KIF6: variants seen among roughly 807,000 people sequenced by gnomAD.
KIF6 encodes kinesin family member 6, also known as kinesin-like protein KIF6.
Under a neutral mutation model 112.7 loss-of-function variants are expected in KIF6, and 106 were observed. That is an observed-to-expected ratio of 0.94 (90% CI 0.80 to 1.11). The LOEUF (loss-of-function observed/expected upper bound fraction) is 1.11. Among genes scored for constraint, KIF6 ranks in the 50% least tolerant of loss-of-function variants. The pLI is 0.00. For missense variants in KIF6, 929 were observed against 964.0 expected (o/e 0.96, Z 0.48); for synonymous variants, 339 against 339.9 (o/e 1.00, Z 0.03).
Position 39,521,267 on chromosome 6 carries a change from G to A in KIF6, c.1645+18736C>T, listed in dbSNP as rs116235045. ...AGCTCTGTTTGACCCAAATCAAACAGACCAGAAAAAGAATCTCCTTGATCT... is the reference window on the plus strand; with the variant it reads ...AGCTCTGTTTGACCCAAATCAAACAAACCAGAAAAAGAATCTCCTTGATCT... On this transcript the variant is annotated intron_variant, in intron 13 of 22. Coordinates refer to ENST00000287152, the MANE Select transcript of KIF6 (RefSeq NM_145027.6). Among the ~76,000 whole-genome samples, 538 of 152,258 alleles carry A rather than the reference G, an allele frequency of 3.5e-3. 1 individual carries two copies. The highest frequency in any genetic ancestry group is 0.012 in the African/African-American group (515 of 41,550).
chr6:39,584,954 G>T lies in KIF6; in HGVS notation c.1021C>A (p.Arg341=). The part of the protein sequence containing the change: ...ESISTCRFAQ[R]VALIKNEAVL... ...GCTTCATTCTTTATGAGTGCCACTC[G>T]CTGTGCAAATCTGCAGGTTGATATA... is the stretch of plus-strand genomic sequence containing the variant. Residue 341 remains arginine, a synonymous_variant, in exon 9 of 23, where the codon CGA becomes AGA. Coordinates refer to ENST00000287152, the MANE Select transcript of KIF6 (RefSeq NM_145027.6). 6.2e-7 allele frequency: 1 copy of T among 1,611,498 alleles called. No homozygotes were observed. Among genetic ancestry groups the T allele is most frequent in the Non-Finnish European group, 8.5e-7 (1 of 1,178,026 alleles).
intron 16 of KIF6, among the ~76,000 whole-genome samples, chr6:39,363,254 G>A (rs1393721668): frequency 1.3e-5 from 2 of 152,220 alleles, no homozygotes; most frequent in African/African-American, 4.8e-5. Flanking sequence ...AAGTGGAGGT[G>A]CTTAATTTCC....
rs1246901296 is a variant in KIF6, at chr6:39,395,517, C to T, written c.1811-9845G>A. Among the ~76,000 whole-genome samples, 3 of 152,180 alleles carry T rather than the reference C, an allele frequency of 2.0e-5. No individual in the cohort carries two copies. The East Asian group carries it at 5.8e-4, about 29-fold the overall frequency. ...TTCTTCTCAGCAAAGGGGGATATAA[C>T]CAGCTTCCAAGGCCTGCCCTGGAGG... is the stretch of plus-strand genomic sequence containing the variant. On this transcript the variant is annotated intron_variant, in intron 15 of 22. Transcript: ENST00000287152.
chr6:39,604,753 TATG>T (rs990788077), intron 6 of KIF6, among the ~76,000 whole-genome samples: 2 of 152,290 alleles, frequency 1.3e-5, no homozygotes, highest in Non-Finnish European at 2.9e-5. Flanking sequence ...GATTCACCTT[TATG>T]ATAAGAATAG....
intron 13 of KIF6, among the ~76,000 whole-genome samples, chr6:39,501,294 TAAC>T (rs753562618): frequency 1.1e-4 from 16 of 150,156 alleles, no homozygotes; most frequent in Non-Finnish European, 1.8e-4. Context: ...AAACAGAAAA[TAAC>T]AACAAATCAC....
At chr6:39,604,895 G>A (rs535885549) in intron 6 of KIF6, among the ~76,000 whole-genome samples, 4 of 152,124 alleles carry the variant, frequency 2.6e-5, no homozygotes, top group African/African-American at 7.2e-5. Flanking sequence ...CAGAATTAGT[G>A]GTTCTGTTGA....
intron 13 of KIF6, among the ~76,000 whole-genome samples, chr6:39,457,077 G>GCACCA (rs1328809947): frequency 6.9e-6 from 1 of 144,080 alleles, no homozygotes; most frequent in African/African-American, 2.6e-5. Flanking sequence ...ATTTTTTTCA[G>GCACCA]CACCACACCA....
At chr6:39,647,706 A>AC (rs1433671680) in intron 3 of KIF6, among the ~76,000 whole-genome samples, 1 of 136,650 alleles carries the variant, frequency 7.3e-6, no homozygotes, top group Non-Finnish European at 1.6e-5. Flanking sequence ...GAAGGCCCTG[A>AC]TTTTTTTTTT....
In KIF6 at chr6:39,342,647, A is replaced by G. The variant is rs951552490; in HGVS notation, c.2428+1062T>C. On this transcript the variant is annotated intron_variant, in intron 22 of 22. Transcript: ENST00000287152. The surrounding 1 kb of genome is among the most constrained non-coding windows in gnomAD (Gnocchi z 4.7). ...TTTTTTTTTATTTTTAGACAAGGAA[A>G]CTGAGAATGAGACAAGATCACAGCA... is the stretch of plus-strand genomic sequence containing the variant. Among the ~76,000 whole-genome samples the G allele has an allele frequency of 2.0e-5, 3 of 147,158 alleles. No individual in the cohort carries two copies. The highest frequency in any genetic ancestry group is 3.0e-5 in the Non-Finnish European group (2 of 67,642).
In KIF6 at chr6:39,331,386, CTT is replaced by C. The variant is rs58611533; in HGVS notation, c.*5144_*5145del. 4,506 of 145,412 alleles carry C rather than the reference CTT, an allele frequency of 0.031. 250 individuals carry two copies. Among genetic ancestry groups the C allele is most frequent in the African/African-American group, 0.11 (4,255 of 39,816 alleles). 9.0% of individuals were successfully genotyped at this position (145,412 alleles called of 1,614,324 possible). On this transcript the variant is annotated 3_prime_UTR_variant, in exon 23 of 23. Transcript: ENST00000287152. The stretch of plus-strand genomic sequence containing the variant: ...TTGCTTACTTGTTTATTGTCCCTCT[CTT>C]TTTTTTTTTTTCAGAGAAGGAGTCT...
At chr6:39,410,585 A>G (rs1241568737) in intron 15 of KIF6, among the ~76,000 whole-genome samples, 3 of 152,250 alleles carry the variant, frequency 2.0e-5, no homozygotes, top group Non-Finnish European at 4.4e-5. Context: ...CTAAATATGA[A>G]AGCAATGGAG....
chr6:39,436,205 G>T (rs1293879077), intron 13 of KIF6, among the ~76,000 whole-genome samples: 2 of 151,888 alleles, frequency 1.3e-5, no homozygotes, highest in African/African-American at 4.8e-5. Flanking sequence ...TTTTTAATAG[G>T]ATTATTTGTT....
intron 16 of KIF6, among the ~76,000 whole-genome samples, chr6:39,366,890 G>C (rs561452443): frequency 6.6e-6 from 1 of 151,002 alleles, no homozygotes; most frequent in Non-Finnish European, 1.5e-5. Context: ...GCTAAGTTGA[G>C]CATTTTTTTT....
At chr6:39,394,038 G>A (rs749045236) in intron 15 of KIF6, among the ~76,000 whole-genome samples, 8 of 152,090 alleles carry the variant, frequency 5.3e-5, no homozygotes, top group South Asian at 2.1e-4. Context: ...GTTTGTGCAC[G>A]CACATATGCC....
At chr6:39,583,703 T>A (rs1781436417) in intron 9 of KIF6, among the ~76,000 whole-genome samples, 1 of 103,928 alleles carries the variant, frequency 9.6e-6, no homozygotes, top group Non-Finnish European at 1.9e-5. Context: ...TTTTTTTTTT[T>A]TTTTTTTACA....
intron 14 of KIF6, among the ~76,000 whole-genome samples, chr6:39,421,636 G>A (rs1378381544): frequency 6.6e-6 from 1 of 152,160 alleles, no homozygotes; most frequent in Non-Finnish European, 1.5e-5. Context: ...TGCTTGGCCT[G>A]GGACTGTGGA....
intron 2 of KIF6, among the ~76,000 whole-genome samples, chr6:39,716,695 G>C (rs916292383): frequency 6.6e-6 from 1 of 152,126 alleles, no homozygotes; most frequent in African/African-American, 2.4e-5. Flanking sequence ...TATGCCTTGA[G>C]ACATAACTTA....
intron 17 of KIF6, among the ~76,000 whole-genome samples, chr6:39,360,747 C>T (rs2150258278): frequency 6.6e-6 from 1 of 152,272 alleles, no homozygotes. Flanking sequence ...GTCCAGTAGG[C>T]CCATGGGAAT....
Position 39,343,962 on chromosome 6 carries a change from T to C in KIF6, c.2322-147A>G. On this transcript the variant is annotated intron_variant, in intron 21 of 22. Coordinates refer to ENST00000287152, the MANE Select transcript of KIF6 (RefSeq NM_145027.6). This position sits in a 1 kb window ranked among gnomAD's most constrained non-coding sequence, Gnocchi z 4.1. The stretch of plus-strand genomic sequence containing the variant: ...GCCTGCTTCTCACTCCCTCCTACCT[T>C]CTCTGTGTGGCAGCCACACTAAGCC... 1.5e-5 allele frequency: 8 copies of C among 550,874 alleles called. No homozygotes were observed. The highest frequency in any genetic ancestry group is 2.2e-5 in the Non-Finnish European group (7 of 311,304). 34.1% of individuals were successfully genotyped at this position (550,874 alleles called of 1,614,324 possible).
Sources: gnomAD v4.1 joint callset for allele counts (sites outside exome capture counted in the v4.1 genomes callset) on GRCh38, gnomAD v4.1.1 for gene constraint, Gnocchi (gnomAD v3.1) non-coding constraint, MANE v1.5 for transcripts, NCBI Gene and HGNC (gene_info 2026-07-23, HGNC 2026-07-21) for gene names.